ATP11C: variants seen among roughly 807,000 people sequenced by gnomAD.
ATP11C encodes the protein ATPase phospholipid transporting 11C (ATP11C blood group).
In ATP11C, 36 loss-of-function variants were observed where a neutral mutation model predicts 97.4. That is an observed-to-expected ratio of 0.37 (90% CI 0.28 to 0.49). ATP11C has a LOEUF of 0.49. ATP11C is among the 20% of genes least tolerant of loss of function. ATP11C has a pLI of 0.98. For synonymous variants in ATP11C, 275 were observed against 290.9 expected (o/e 0.95, Z 0.56); for missense variants, 730 against 824.6 (o/e 0.89, Z 1.40).
At chrX:139,817,413 T>C (rs1435938344) in intron 3 of ATP11C, among the ~76,000 whole-genome samples, 2 of 112,182 alleles carry the variant, frequency 1.8e-5, no homozygotes, top group Non-Finnish European at 3.8e-5. Flanking sequence ...GTGAACAGTA[T>C]ATGCAGGTCT....
chrX:139,915,856 A>C (rs1442441782), intron 1 of ATP11C, among the ~76,000 whole-genome samples: 3 of 111,797 alleles, frequency 2.7e-5, no homozygotes, highest in Non-Finnish European at 5.6e-5. Flanking sequence ...TGAAGCTTAT[A>C]GAGTTAATTC....
chrX:139,888,290 C>T (rs1036792734), intron 1 of ATP11C, among the ~76,000 whole-genome samples: 12 of 109,291 alleles, frequency 1.1e-4, no homozygotes, highest in Admixed American at 6.9e-4. Flanking sequence ...CCCGCCACAA[C>T]GCCCAGCTAA....
intron 1 of ATP11C, among the ~76,000 whole-genome samples, chrX:139,875,004 G>A (rs370290216): frequency 1.6e-4 from 18 of 111,070 alleles, no homozygotes; most frequent in East Asian, 5.7e-4. Context: ...ATCCTTGATG[G>A]AAGAGCATAC....
At chrX:139,884,515 G>A (rs183562374) in intron 1 of ATP11C, among the ~76,000 whole-genome samples, 1 of 111,760 alleles carries the variant, frequency 8.9e-6, no homozygotes, top group African/African-American at 3.2e-5. Context: ...TTTTGATGAG[G>A]TCTTGCTATG....
At chrX:139,812,614 G>A (rs887912566) in intron 5 of ATP11C, among the ~76,000 whole-genome samples, 3 of 106,327 alleles carry the variant, frequency 2.8e-5, no homozygotes, top group Non-Finnish European at 5.8e-5. Context: ...GCTCGATCTC[G>A]GATCACCGCA....
intron 1 of ATP11C, among the ~76,000 whole-genome samples, chrX:139,882,061 C>T (rs1385205017): frequency 1.8e-5 from 2 of 111,700 alleles, no homozygotes; most frequent in African/African-American, 6.5e-5. Context: ...GCCTCAACTA[C>T]CTTCTCCCCA....
chrX:139,886,373 G>C (rs1162096228), intron 1 of ATP11C, among the ~76,000 whole-genome samples: 1 of 110,654 alleles, frequency 9.0e-6, no homozygotes, highest in Non-Finnish European at 1.9e-5. Context: ...GGCAGATCAC[G>C]AGGTCAAGAG....
chrX:139,823,508 G>A (rs2083457765), intron 2 of ATP11C, among the ~76,000 whole-genome samples: 1 of 112,108 alleles, frequency 8.9e-6, no homozygotes, highest in South Asian at 3.7e-4. Flanking sequence ...GTTTTGACCA[G>A]TTCTGTGTTA....
intron 28 of ATP11C, chrX:139,732,521 G>A: frequency 5.6e-6 from 2 of 356,824 alleles, no homozygotes; most frequent in Admixed American, 2.6e-5. Flanking sequence ...GAGGCGTTTC[G>A]TTACCTTGTT....
chrX:139,742,141 G>A (rs917369914), intron 26 of ATP11C, among the ~76,000 whole-genome samples: 2 of 111,505 alleles, frequency 1.8e-5, no homozygotes, highest in African/African-American at 6.5e-5. Context: ...CTATATGCAA[G>A]GCCAGGGGAA....
rs749291267 is a variant in ATP11C at position 139,798,761 on chromosome X, A to G, written c.711-18T>C. On this transcript the variant is annotated intron_variant, in intron 8 of 29. Coordinates refer to ENST00000682941, the MANE Select transcript of ATP11C (RefSeq NM_001353812.2). Reference sequence around the variant, plus strand: ...CCAAAGACCTAAATAAAAAATGAACACAGCTTATCCAAACAAGCCAATAGC... The same window carrying G: ...CCAAAGACCTAAATAAAAAATGAACGCAGCTTATCCAAACAAGCCAATAGC... 3.3e-5 allele frequency: 39 copies of G among 1,181,642 alleles called. 1 individual carries two copies. In the Middle Eastern group the frequency reaches 1.9e-3, roughly 57 times the overall value.
At chrX:139,821,558 G>A (rs938081388) in intron 2 of ATP11C, among the ~76,000 whole-genome samples, 1 of 112,549 alleles carries the variant, frequency 8.9e-6, no homozygotes, top group African/African-American at 3.2e-5. Flanking sequence ...TGTGAAAGGT[G>A]ATATAAACAC....
At chrX:139,888,813 T>C (rs1225823506) in intron 1 of ATP11C, among the ~76,000 whole-genome samples, 1 of 102,559 alleles carries the variant, frequency 9.8e-6, no homozygotes, top group Non-Finnish European at 2.0e-5. Context: ...CTGAACACAG[T>C]TTTTTTTTTT....
At chrX:139,839,440 C>T (rs139624587) in intron 1 of ATP11C, among the ~76,000 whole-genome samples, 1 of 111,989 alleles carries the variant, frequency 8.9e-6, no homozygotes, top group African/African-American at 3.2e-5. Context: ...AAGGTAAATC[C>T]GTTAACACAG....
At chrX:139,934,332 G>A (rs1364808416), upstream of ATP11C, among the ~76,000 whole-genome samples, 2 of 111,157 alleles carry the variant, frequency 1.8e-5, no homozygotes, top group African/African-American at 6.5e-5. Context: ...TGTCCTAACT[G>A]CCAAGAAGTA....
At chrX:139,918,039 C>T (rs2085184315) in intron 1 of ATP11C, among the ~76,000 whole-genome samples, 1 of 108,224 alleles carries the variant, frequency 9.2e-6, no homozygotes, top group South Asian at 4.0e-4. Context: ...AAACTAGAAC[C>T]CTTAATGGGA....
At chrX:139,786,140 G>A (rs747276807) in intron 15 of ATP11C, among the ~76,000 whole-genome samples, 3 of 111,967 alleles carry the variant, frequency 2.7e-5, no homozygotes, top group Non-Finnish European at 3.8e-5. Context: ...ATGACATGAT[G>A]AGACTGGTCA....
chrX:139,857,836 C>T (rs951171232), intron 1 of ATP11C, among the ~76,000 whole-genome samples: 34 of 110,253 alleles, frequency 3.1e-4, no homozygotes, highest in African/African-American at 9.6e-4. Context: ...AATTAATATA[C>T]TTCATATGTG....
intron 19 of ATP11C, among the ~76,000 whole-genome samples, chrX:139,773,693 CTG>C (rs2082297545): frequency 8.9e-6 from 1 of 112,464 alleles, no homozygotes; most frequent in Admixed American, 9.4e-5. Flanking sequence ...AGAACAACAG[CTG>C]TTTTAGAATT....
Sources: allele counts gnomAD v4.1 joint callset (sites outside exome capture counted in the v4.1 genomes callset), GRCh38; gene constraint gnomAD v4.1.1; transcripts MANE v1.5; gene names NCBI Gene and HGNC (gene_info 2026-07-23, HGNC 2026-07-21).